The following METTL9 variants were observed in gnomAD, a reference collection of about 807,000 sequenced individuals.
METTL9 encodes the protein protein-L-histidine N-pros-methyltransferase.
Under a neutral mutation model 36.0 loss-of-function variants are expected in METTL9, and 10 were observed. The ratio of observed to expected loss-of-function variants is 0.28; its 90% CI spans 0.17 to 0.47. The LOEUF is 0.47. Ranked by LOEUF, METTL9 falls within the 20% of genes least tolerant of loss-of-function variation. METTL9 has a pLI of 0.99. For synonymous variants in METTL9, 175 were observed against 149.7 expected (o/e 1.17, Z -1.23); for missense variants, 246 against 383.5 (o/e 0.64, Z 3.00).
chr16:21,602,871 C>G (rs927915840), intron 1 of METTL9, among the ~76,000 whole-genome samples: 1 of 152,042 alleles, frequency 6.6e-6, no homozygotes, highest in Non-Finnish European at 1.5e-5. Context: ...GTTGGTTAGG[C>G]TGGTCTCAAA....
rs651462 is a variant in METTL9, at chr16:21,602,180, C to T, written c.165+2282C>T. ...AGTTCCATAGCCAGCCACATCTGGG[C>T]CTTTTGGAGTTGCATAAAAGTAGGG... On this transcript the variant is annotated intron_variant, in intron 1 of 4. Coordinates refer to ENST00000358154, the MANE Select transcript of METTL9 (RefSeq NM_016025.5). Among the ~76,000 whole-genome samples, 1,397 of 152,122 alleles carry T rather than the reference C, an allele frequency of 9.2e-3. 48 individuals carry two copies. Among genetic ancestry groups the T allele is most frequent in the East Asian group, 0.083 (428 of 5,182 alleles).
intron 1 of METTL9, among the ~76,000 whole-genome samples, chr16:21,610,992 C>T (rs573704380): frequency 6.6e-6 from 1 of 152,050 alleles, no homozygotes; most frequent in East Asian, 1.9e-4. Flanking sequence ...TAACTTCAGG[C>T]ACAATAAGTA....
In METTL9 at chr16:21,647,317, G is replaced by A. The variant is rs1454374; in HGVS notation, c.752-7910G>A. 1,172 of 1,614,148 alleles carry A rather than the reference G, an allele frequency of 7.3e-4. 15 individuals carry two copies. The African/African-American group carries it at 0.013, about 18-fold the overall frequency. ...ACTTGTCTGCCTCACTTTTGCACCC[G>A]TCCAAGCACAGGTTCTCAGGCTGGT... On this transcript the variant is annotated intron_variant, in intron 4 of 4. Coordinates refer to ENST00000358154, the MANE Select transcript of METTL9 (RefSeq NM_016025.5).
intron 3 of METTL9, among the ~76,000 whole-genome samples, chr16:21,620,576 T>A (rs1221860612): frequency 3.9e-5 from 6 of 152,218 alleles, no homozygotes; most frequent in Non-Finnish European, 5.9e-5. Context: ...TTCAGATGTT[T>A]GAAATTAGTA....
In METTL9 at chr16:21,622,141, C is replaced by CTTTTTTTTT. The variant is rs541282506; in HGVS notation, c.567-2777_567-2769dup. Among the ~76,000 whole-genome samples, 36 of 34,920 alleles carry CTTTTTTTTT rather than the reference C, an allele frequency of 1.0e-3. 5 individuals are homozygous for CTTTTTTTTT. The highest frequency in any genetic ancestry group is 3.3e-3 in the East Asian group (4 of 1,224). The allele number at this position is 34,920 out of a possible 152,430, so 22.9% of individuals were successfully genotyped here. A position where few individuals can be genotyped will look rare whatever the true frequency, so the allele number is the denominator to read the frequency against. On this transcript the variant is annotated intron_variant, in intron 3 of 4. Transcript: ENST00000358154. ...ATAGGTGTGAGCCACCATGCCTGGC[C>CTTTTTTTTT]TTTTTTTTTTTTTTTTTTTTTGAGA...
intron 4 of METTL9, chr16:21,652,437 AAATT>A (rs1454581959): frequency 1.0e-5 from 10 of 959,308 alleles, no homozygotes; most frequent in Non-Finnish European, 1.6e-5. Flanking sequence ...ATACATTTAA[AAATT>A]AATCTGAAGG....
chr16:21,644,441 ATTC>A (rs1966368312), intron 4 of METTL9: 1 of 1,308,818 alleles, frequency 7.6e-7, no homozygotes, highest in Non-Finnish European at 1.1e-6. Context: ...ATTAAAGCCT[ATTC>A]TTTCAAATAC....
chr16:21,657,260 C>A lies in METTL9; in HGVS notation c.*1828C>A, dbSNP rs1966730819. 6.6e-6 allele frequency: 1 copy of A among 152,086 alleles called. No individual in the cohort carries two copies. Among genetic ancestry groups the A allele is most frequent in the African/African-American group, 2.4e-5 (1 of 41,396 alleles). The allele number at this position is 152,086 out of a possible 1,614,324, so 9.4% of individuals were successfully genotyped here. ...TAGTTTCTCAAAAAAATCTGAAGTT[C>A]TCTGAAAACCAGCTTATTAAAAGTG... On this transcript the variant is annotated 3_prime_UTR_variant, in exon 5 of 5. Coordinates refer to ENST00000358154, the MANE Select transcript of METTL9 (RefSeq NM_016025.5).
intron 4 of METTL9, among the ~76,000 whole-genome samples, chr16:21,637,705 C>T (rs1375353717): frequency 2.6e-5 from 4 of 152,246 alleles, no homozygotes; most frequent in African/African-American, 7.2e-5. Context: ...TGCTGGCCCG[C>T]GTGCGCTGCG....
At chr16:21,624,584 G>A (rs761749890) in intron 3 of METTL9, among the ~76,000 whole-genome samples, 3 of 151,906 alleles carry the variant, frequency 2.0e-5, no homozygotes, top group African/African-American at 4.8e-5. Flanking sequence ...AAAATTAGCC[G>A]GGCATGGTGG....
intron 4 of METTL9, among the ~76,000 whole-genome samples, chr16:21,649,373 C>G (rs1966511377): frequency 6.6e-6 from 1 of 152,134 alleles, no homozygotes; most frequent in Admixed American, 6.6e-5. Flanking sequence ...TAAATGCAAA[C>G]CAGACAAGAG....
At chr16:21,643,180 A>T (rs1350155533) in intron 4 of METTL9, 1 of 1,550,040 alleles carries the variant, frequency 6.5e-7, no homozygotes, top group East Asian at 2.2e-5. Flanking sequence ...AGAAAAAAAA[A>T]TTCTCTTTTG....
chr16:21,641,250 C>T (rs1183483630), intron 4 of METTL9: 1 of 224,010 alleles, frequency 4.5e-6, no homozygotes, highest in East Asian at 9.7e-5. Flanking sequence ...GCAGTCATCA[C>T]ACATCTCATG....
chr16:21,652,397 CTT>C (rs1262152900), intron 4 of METTL9: 2 of 573,498 alleles, frequency 3.5e-6, no homozygotes, highest in African/African-American at 1.9e-5. Flanking sequence ...AAAAAGGAAA[CTT>C]ATCCTCTTAG....
chr16:21,643,028 T>C, intron 4 of METTL9: 1 of 1,319,132 alleles, frequency 7.6e-7, no homozygotes, highest in Non-Finnish European at 1.1e-6. Context: ...TTTTCAAACG[T>C]GCTTTATATC....
chr16:21,642,501 G>A (rs1966298498), intron 4 of METTL9: 1 of 152,064 alleles, frequency 6.6e-6, no homozygotes, highest in Non-Finnish European at 1.5e-5. Flanking sequence ...TGTTCTATTG[G>A]CATTAAGATA....
chr16:21,599,852 C>A lies in METTL9; in HGVS notation c.119C>A (p.Pro40Gln), dbSNP rs757138158. The A allele has an allele frequency of 3.3e-6, 5 of 1,506,114 alleles. No homozygotes were observed. The highest frequency in any genetic ancestry group is 4.4e-6 in the Non-Finnish European group (5 of 1,133,602). The allele number at this position is 1,506,114 out of a possible 1,614,324, so 93.3% of individuals were successfully genotyped here. A position where few individuals can be genotyped will look rare whatever the true frequency, so the allele number is the denominator to read the frequency against. ...RSLYVNMTSG[P>Q]GGPAAAAGGR... ...CTGTACGTGAACATGACTAGCGGCC[C>A]GGGTGGGCCGGCGGCGGCCGCGGGC... The change falls in exon 1 of 5, where the codon CCG (proline) becomes CAG (glutamine). Residue 40 changes from proline (P) to glutamine (Q), a missense_variant. Physicochemically the swap from Pro to Gln is moderately conservative, Grantham distance 76. This residue lies in a region of METTL9 where 100 missense variants were observed against 81.4 expected (regional missense o/e 1.23). Transcript: ENST00000358154. This position sits in a 1 kb window ranked among gnomAD's most constrained non-coding sequence, Gnocchi z 4.4.
intron 1 of METTL9, among the ~76,000 whole-genome samples, chr16:21,603,659 T>G (rs573943225): frequency 6.6e-6 from 1 of 152,140 alleles, no homozygotes; most frequent in Non-Finnish European, 1.5e-5. Context: ...TACTGAAACT[T>G]TGAAAGGACC....
chr16:21,632,661 A>G (rs1965992316), intron 4 of METTL9, among the ~76,000 whole-genome samples: 1 of 152,162 alleles, frequency 6.6e-6, no homozygotes, highest in African/African-American at 2.4e-5. Flanking sequence ...TGATAGCCAT[A>G]AACTTCCTTT....
Sources: allele counts gnomAD v4.1 joint callset (sites outside exome capture counted in the v4.1 genomes callset), GRCh38; gene constraint gnomAD v4.1.1; regional missense constraint gnomAD v4.1.1; non-coding constraint Gnocchi (gnomAD v3.1); transcripts MANE v1.5; gene names NCBI Gene and HGNC (gene_info 2026-07-23, HGNC 2026-07-21).